The following NCAM2 variants were observed in gnomAD, a reference collection of about 807,000 sequenced individuals.
NCAM2 encodes the protein neural cell adhesion molecule 2.
Under a neutral mutation model 98.1 loss-of-function variants are expected in NCAM2, and 30 were observed. The ratio of observed to expected loss-of-function variants is 0.31; its 90% CI spans 0.23 to 0.41. NCAM2 has a LOEUF of 0.41. NCAM2 is among the 10% of genes least tolerant of loss of function. The pLI is 1.00. For missense variants in NCAM2, 867 were observed against 1,005.8 expected (o/e 0.86, Z 1.87); for synonymous variants, 368 against 342.4 (o/e 1.07, Z -0.83).
chr21:21,038,302 A>G (rs2064837494), intron 1 of NCAM2, among the ~76,000 whole-genome samples: 1 of 152,248 alleles, frequency 6.6e-6, no homozygotes, highest in Non-Finnish European at 1.5e-5. Flanking sequence ...TAGATACTTT[A>G]AAATGTTTTA....
chr21:21,456,295 C>A lies in NCAM2; in HGVS notation c.1655-10311C>A, dbSNP rs550536041. On this transcript the variant is annotated intron_variant, in intron 12 of 17. Coordinates refer to ENST00000400546, the MANE Select transcript of NCAM2 (RefSeq NM_004540.5). Reference sequence around the variant, plus strand: ...GTGGCTGGTACATGCATCTTTACTACAAAAGGCCTAAGAATAAAATCTCTA... The same window carrying A: ...GTGGCTGGTACATGCATCTTTACTAAAAAAGGCCTAAGAATAAAATCTCTA... 5.3e-3 allele frequency among the ~76,000 whole-genome samples: 812 copies of A among 152,170 alleles called. 7 individuals carry two copies. Among genetic ancestry groups the A allele is most frequent in the Non-Finnish European group, 8.5e-3 (576 of 67,968 alleles).
intron 1 of NCAM2, among the ~76,000 whole-genome samples, chr21:21,220,579 C>G (rs2070107053): frequency 6.6e-6 from 1 of 152,128 alleles, no homozygotes; most frequent in African/African-American, 2.4e-5. Context: ...CAATTCATGA[C>G]TGTATTTAGT....
chr21:21,488,214 A>C lies in NCAM2; in HGVS notation c.2077+10743A>C, dbSNP rs1251117064. 2.1e-5 allele frequency among the ~76,000 whole-genome samples: 3 copies of C among 146,142 alleles called. No homozygotes were observed. In the East Asian group the frequency reaches 6.3e-4, roughly 31 times the overall value. Reference sequence around the variant, plus strand: ...TTCTTTTTAAATTAACAAAGTTACAAGTATGCATCCTAGTGCACATGTTAC... The same window carrying C: ...TTCTTTTTAAATTAACAAAGTTACACGTATGCATCCTAGTGCACATGTTAC... On this transcript the variant is annotated intron_variant, in intron 15 of 17. Coordinates refer to ENST00000400546, the MANE Select transcript of NCAM2 (RefSeq NM_004540.5).
chr21:21,476,388 A>G (rs1019760861), intron 14 of NCAM2, among the ~76,000 whole-genome samples: 6 of 152,020 alleles, frequency 3.9e-5, no homozygotes, highest in East Asian at 1.9e-4. Context: ...AACTTACTCA[A>G]TTTTCCTCAT....
At position 21,533,090 on chromosome 21, in the gene NCAM2, G is replaced by GT. The variant is rs1989795145; in HGVS notation, c.2283-1440dup. ...ATCAAAAGTGTTTTATATCCTTAGT[G>GT]TTTTTTTCTATATAAGTCTCAGCAT... is the stretch of plus-strand genomic sequence containing the variant. On this transcript the variant is annotated intron_variant, in intron 16 of 17. Transcript: ENST00000400546. Among the ~76,000 whole-genome samples, 2 of 143,082 alleles carry GT rather than the reference G, an allele frequency of 1.4e-5. 1 individual carries two copies. The highest frequency in any genetic ancestry group is 4.1e-4 in the East Asian group (2 of 4,836). 93.9% of individuals were successfully genotyped at this position (143,082 alleles called of 152,430 possible).
At chr21:21,385,816 C>T (rs2076259427) in intron 9 of NCAM2, 1 of 194,434 alleles carries the variant, frequency 5.1e-6, no homozygotes, top group Non-Finnish European at 9.4e-6. Flanking sequence ...GTAATCATTA[C>T]ATAGTAACTA....
At chr21:21,228,765 A>G (rs1380249610) in intron 1 of NCAM2, among the ~76,000 whole-genome samples, 3 of 151,430 alleles carry the variant, frequency 2.0e-5, no homozygotes, top group East Asian at 1.9e-4. Flanking sequence ...GCAAGAAAGG[A>G]GAAGGGATGG....
chr21:21,386,900 G>C (rs1287387761), intron 9 of NCAM2, among the ~76,000 whole-genome samples: 1 of 152,130 alleles, frequency 6.6e-6, no homozygotes, highest in Non-Finnish European at 1.5e-5. Context: ...CTGTTTAACA[G>C]TCAGAAATAC....
At chr21:21,261,580 A>T (rs1042758128) in intron 1 of NCAM2, among the ~76,000 whole-genome samples, 5 of 152,144 alleles carry the variant, frequency 3.3e-5, no homozygotes, top group African/African-American at 1.2e-4. Flanking sequence ...AAGTTAAACA[A>T]CCTGTTCCTG....
intron 1 of NCAM2, among the ~76,000 whole-genome samples, chr21:21,076,783 G>A (rs1043032003): frequency 2.0e-5 from 3 of 152,124 alleles, no homozygotes; most frequent in South Asian, 2.1e-4. Context: ...GCTTCAGCTG[G>A]TCTTTTGTCT....
intron 6 of NCAM2, among the ~76,000 whole-genome samples, chr21:21,329,085 G>A (rs1282195685): frequency 2.6e-5 from 4 of 151,582 alleles, no homozygotes; most frequent in Non-Finnish European, 5.9e-5. Context: ...CTCCTGAGTA[G>A]CTGGGACTAC....
At chr21:21,511,564 T>C (rs1234215766) in intron 16 of NCAM2, among the ~76,000 whole-genome samples, 3 of 151,710 alleles carry the variant, frequency 2.0e-5, no homozygotes, top group Non-Finnish European at 2.9e-5. Flanking sequence ...AACATGGGAG[T>C]ACAAATATCT....
chr21:21,132,329 A>T (rs1362912238), intron 1 of NCAM2, among the ~76,000 whole-genome samples: 1 of 152,052 alleles, frequency 6.6e-6, no homozygotes, highest in Non-Finnish European at 1.5e-5. Context: ...TAGTGCCACT[A>T]GGATAATTCA....
At chr21:21,049,900 C>T (rs1400350012) in intron 1 of NCAM2, among the ~76,000 whole-genome samples, 2 of 151,882 alleles carry the variant, frequency 1.3e-5, no homozygotes, top group Admixed American at 6.6e-5. Context: ...AATATTACAT[C>T]ATTATGCATA....
intron 6 of NCAM2, among the ~76,000 whole-genome samples, chr21:21,325,873 A>G (rs77571425): frequency 0.019 from 2,847 of 152,280 alleles, 93 homozygotes; most frequent in East Asian, 0.15. Flanking sequence ...CTTTGTATGT[A>G]GTGGGAAAAA....
chr21:21,381,090 T>A (rs1037587570), intron 9 of NCAM2, among the ~76,000 whole-genome samples: 2 of 152,248 alleles, frequency 1.3e-5, no homozygotes, highest in African/African-American at 4.8e-5. Flanking sequence ...TGCTTTCTCA[T>A]TGACTGTAAA....
chr21:21,532,663 T>C (rs959403275), intron 16 of NCAM2, among the ~76,000 whole-genome samples: 7 of 152,198 alleles, frequency 4.6e-5, no homozygotes, highest in African/African-American at 1.7e-4. Flanking sequence ...AATCATTTTC[T>C]TGCTAAGAAT....
At chr21:21,082,225 T>TTAAAAAAAAAAAA (rs1555882202) in intron 1 of NCAM2, among the ~76,000 whole-genome samples, 9 of 82,902 alleles carry the variant, frequency 1.1e-4, no homozygotes, top group South Asian at 4.3e-4. Context: ...GAGAATCCTT[T>TTAAAAAAAAAAAA]AAAAAAAAAA....
At chr21:21,087,621 T>C (rs1366477753) in intron 1 of NCAM2, among the ~76,000 whole-genome samples, 1 of 152,206 alleles carries the variant, frequency 6.6e-6, no homozygotes, top group Non-Finnish European at 1.5e-5. Context: ...TATCTTAATT[T>C]GAGTGTGCCA....
Sources: allele counts gnomAD v4.1 joint callset (sites outside exome capture counted in the v4.1 genomes callset), GRCh38; gene constraint gnomAD v4.1.1; transcripts MANE v1.5; gene names NCBI Gene and HGNC (gene_info 2026-07-23, HGNC 2026-07-21).